The following ASZ1 variants were observed in gnomAD, a reference collection of about 807,000 sequenced individuals.
The protein encoded by ASZ1 is ankyrin repeat, SAM and basic leucine zipper domain-containing protein 1.
Under a neutral mutation model 61.8 loss-of-function variants are expected in ASZ1, and 67 were observed. The ratio of observed to expected loss-of-function variants is 1.08; its 90% CI spans 0.89 to 1.33. The LOEUF (loss-of-function observed/expected upper bound fraction) is 1.33, where lower values mean the gene tolerates loss of function less well. ASZ1 is among the 40% of genes most tolerant of loss of function. ASZ1 has a pLI of 0.00. For synonymous variants in ASZ1, 193 were observed against 192.7 expected (o/e 1.00, Z -0.01); for missense variants, 577 against 554.5 (o/e 1.04, Z -0.41).
In ASZ1 at chr7:117,383,076, A is replaced by G; in HGVS notation, c.722T>C (p.Leu241Ser). 6.3e-7 allele frequency: 1 copy of G among 1,578,482 alleles called. No individual in the cohort carries two copies. Among genetic ancestry groups the G allele is most frequent in the Non-Finnish European group, 8.6e-7 (1 of 1,165,126 alleles). Residue 241 changes from leucine to serine, a missense_variant, in exon 7 of 13, where the codon TTG (leucine) becomes TCG (serine). Coordinates refer to ENST00000284629, the MANE Select transcript of ASZ1 (RefSeq NM_130768.3). ...FNLLSFTLNP[L>S]EGKLQQLTKE... ...AGTTAGCTGTTGAAGTTTTCCTTCC[A>G]ATGGATTTAAAGTAAAAGAAAGTAA...
chr7:117,393,716 T>G (rs1487869915), intron 4 of ASZ1, among the ~76,000 whole-genome samples: 1 of 152,222 alleles, frequency 6.6e-6, no homozygotes, highest in Non-Finnish European at 1.5e-5. Context: ...TTACTTTTCT[T>G]AGTTATTAAT....
chr7:117,390,990 C>G (rs1352388999), intron 4 of ASZ1, among the ~76,000 whole-genome samples: 1 of 152,182 alleles, frequency 6.6e-6, no homozygotes, highest in East Asian at 1.9e-4. Context: ...GTGTGAGCCA[C>G]TGTGCCCGGC....
chr7:117,404,052 G>A (rs1796732883), intron 4 of ASZ1, among the ~76,000 whole-genome samples: 1 of 152,096 alleles, frequency 6.6e-6, no homozygotes, highest in Admixed American at 6.5e-5. Context: ...CCACAAAACT[G>A]GTCCCTGGTG....
chr7:117,378,772 A>C (rs1344934107), intron 10 of ASZ1, among the ~76,000 whole-genome samples: 1 of 152,006 alleles, frequency 6.6e-6, no homozygotes, highest in Non-Finnish European at 1.5e-5. Context: ...ACTAAAATCT[A>C]CTCAAATGTT....
At chr7:117,410,500 C>A (rs1240631392) in intron 4 of ASZ1, among the ~76,000 whole-genome samples, 1 of 151,476 alleles carries the variant, frequency 6.6e-6, no homozygotes, top group East Asian at 1.9e-4. Flanking sequence ...AATAAAATGG[C>A]AGATGAAACA....
chr7:117,382,033 T>C (rs1481286164), intron 8 of ASZ1, 36 bp downstream of exon 8: 10 of 1,264,934 alleles, frequency 7.9e-6, no homozygotes, highest in Non-Finnish European at 1.0e-5. Flanking sequence ...AATTAACATA[T>C]ATGCATAACT....
intron 4 of ASZ1, among the ~76,000 whole-genome samples, chr7:117,390,748 G>C (rs1486245169): frequency 1.3e-5 from 2 of 152,152 alleles, no homozygotes; most frequent in Non-Finnish European, 2.9e-5. Context: ...CTGTCACCTA[G>C]GCTGGAGTGC....
intron 4 of ASZ1, among the ~76,000 whole-genome samples, chr7:117,394,328 C>A (rs988707573): frequency 6.6e-6 from 1 of 152,188 alleles, no homozygotes; most frequent in African/African-American, 2.4e-5. Context: ...AAGCAGTCCT[C>A]CTACCTTGGC....
chr7:117,379,874 TAAACTA>T (rs1000989285), intron 10 of ASZ1, 58 bp downstream of exon 10: 1 of 1,088,684 alleles, frequency 9.2e-7, no homozygotes, highest in Non-Finnish European at 1.3e-6. Context: ...TTATGAAAAT[TAAACTA>T]AAAAGAACAA....
chr7:117,409,776 A>G (rs1796857787), intron 4 of ASZ1, among the ~76,000 whole-genome samples: 1 of 151,808 alleles, frequency 6.6e-6, no homozygotes, highest in South Asian at 2.1e-4. Flanking sequence ...CTCTCCATAA[A>G]AGATTAAAAA....
intron 4 of ASZ1, among the ~76,000 whole-genome samples, chr7:117,407,778 A>T (rs1001105305): frequency 6.6e-6 from 1 of 152,170 alleles, no homozygotes; most frequent in African/African-American, 2.4e-5. Context: ...GTGTTAAGCT[A>T]CTTTGACCTT....
chr7:117,408,908 G>A (rs1796841497), intron 4 of ASZ1, among the ~76,000 whole-genome samples: 1 of 151,948 alleles, frequency 6.6e-6, no homozygotes, highest in African/African-American at 2.4e-5. Flanking sequence ...AAAGAGATGT[G>A]GGTTACATGG....
At chr7:117,401,886 C>T (rs926963031) in intron 4 of ASZ1, among the ~76,000 whole-genome samples, 4 of 152,054 alleles carry the variant, frequency 2.6e-5, no homozygotes, top group Admixed American at 2.0e-4. Context: ...ACCATACGGC[C>T]GTTCTTAGGG....
chr7:117,368,569 C>T (rs758246476), intron 11 of ASZ1, 43 bp downstream of exon 11: 11 of 1,593,086 alleles, frequency 6.9e-6, no homozygotes, highest in Non-Finnish European at 8.5e-6. Context: ...GAATGTTCTT[C>T]AGTGTTCATA....
chr7:117,421,429 G>A (rs543762046), intron 3 of ASZ1, among the ~76,000 whole-genome samples: 1 of 152,116 alleles, frequency 6.6e-6, no homozygotes, highest in Non-Finnish European at 1.5e-5. Flanking sequence ...TGTCCAGGCT[G>A]ATCTTGAACT....
chr7:117,422,492 G>A, intron 2 of ASZ1, 133 bp from the exon 3 acceptor site: 3 of 1,014,788 alleles, frequency 3.0e-6, no homozygotes, highest in Non-Finnish European at 4.1e-6. Context: ...GTTTTTAATG[G>A]CTTCCAAAAA....
chr7:117,404,637 G>A (rs754175098), intron 4 of ASZ1, among the ~76,000 whole-genome samples: 7 of 152,018 alleles, frequency 4.6e-5, no homozygotes, highest in Non-Finnish European at 8.8e-5. Flanking sequence ...TTTTGGGATC[G>A]TGCTGATTTT....
At chr7:117,381,675 T>C (rs1796257003) in intron 8 of ASZ1, among the ~76,000 whole-genome samples, 1 of 152,136 alleles carries the variant, frequency 6.6e-6, no homozygotes, top group Non-Finnish European at 1.5e-5. Context: ...ATTATTATCC[T>C]TATGAAGAAA....
chr7:117,399,911 G>C (rs932051620), intron 4 of ASZ1, among the ~76,000 whole-genome samples: 2 of 152,062 alleles, frequency 1.3e-5, no homozygotes, highest in Middle Eastern at 3.2e-3. Context: ...TAAAGTTTAC[G>C]TACATGATGT....
Sources: allele counts gnomAD v4.1 joint callset (sites outside exome capture counted in the v4.1 genomes callset), GRCh38; gene constraint gnomAD v4.1.1; transcripts MANE v1.5; gene names NCBI Gene and HGNC (gene_info 2026-07-23, HGNC 2026-07-21).